HTATSF1: variants seen among roughly 807,000 people sequenced by gnomAD.
HTATSF1 encodes the protein HIV-1 Tat specific factor 1.
HTATSF1 carries 6 observed loss-of-function variants against 46.1 expected under a neutral mutation model. The observed-to-expected ratio is 0.13, with a 90% CI of 0.07 to 0.26. The LOEUF is 0.26. HTATSF1 is among the 10% of genes least tolerant of loss of function. The pLI, the probability that HTATSF1 is intolerant of heterozygous loss-of-function variation, is 1.00. For synonymous variants in HTATSF1, 226 were observed against 211.5 expected (o/e 1.07, Z -0.60); for missense variants, 452 against 559.9 (o/e 0.81, Z 1.94).
rs1468611664 is a variant in HTATSF1, at chrX:136,511,963, A to G, written c.2218A>G (p.Thr740Ala). Reference protein sequence around the residue: ...FGSVEEGPLSTGSSFILSSDD... With the variant: ...FGSVEEGPLSAGSSFILSSDD... ...GAGTGTTGAAGAAGGGCCCCTATCC[A>G]CTGGCAGCAGCTTTATTCTCAGTAG... The change falls in exon 9 of 9, where the codon ACT (threonine) becomes GCT (alanine). Residue 740 changes from threonine to alanine, a missense_variant. By Grantham distance (58) the Thr-to-Ala change is moderately conservative. Around this residue, in one of 3 missense-constraint regions of HTATSF1, gnomAD observed 246 missense variants for 245.3 expected, o/e 1.00. Transcript: ENST00000218364. The G allele has an allele frequency of 4.1e-6, 5 of 1,208,774 alleles. No individual in the cohort carries two copies. The African/African-American group carries it at 7.0e-5, about 17-fold the overall frequency.
At chrX:136,505,972 G>C (rs1246292723) in intron 6 of HTATSF1, among the ~76,000 whole-genome samples, 2 of 111,786 alleles carry the variant, frequency 1.8e-5, no homozygotes, top group Non-Finnish European at 3.8e-5. Context: ...TTATTTCTGT[G>C]ACTCGAGGTC....
At chrX:136,509,689 T>G (rs2075758605) in intron 7 of HTATSF1, among the ~76,000 whole-genome samples, 1 of 112,318 alleles carries the variant, frequency 8.9e-6, no homozygotes, top group South Asian at 3.7e-4. Context: ...TTACACCCAT[T>G]TTACAGATGA....
intron 6 of HTATSF1, among the ~76,000 whole-genome samples, chrX:136,508,478 CA>C (rs1232529761): frequency 8.9e-6 from 1 of 112,142 alleles, no homozygotes; most frequent in Non-Finnish European, 1.9e-5. Context: ...CTCATAGTTG[CA>C]AGAAAGCAAC....
rs772129556 is a variant in HTATSF1, at chrX:136,510,226, T to G, written c.1062+7T>G. On this transcript the variant is annotated splice_region_variant and intron_variant, in intron 8 of 8. Coordinates refer to ENST00000218364, the MANE Select transcript of HTATSF1 (RefSeq NM_014500.5). ...TGGGACTACAGATTATCAGGTAAATTTTGCTGCTTGTCAAGGGCACACACA... is the reference window on the plus strand; with the variant it reads ...TGGGACTACAGATTATCAGGTAAATGTTGCTGCTTGTCAAGGGCACACACA... 7.5e-6 allele frequency: 9 copies of G among 1,205,646 alleles called. No individual in the cohort carries two copies. In the Admixed American group the frequency reaches 2.0e-4, roughly 26 times the overall value.
chrX:136,507,643 G>A (rs190673913), intron 6 of HTATSF1, among the ~76,000 whole-genome samples: 4 of 110,232 alleles, frequency 3.6e-5, no homozygotes, highest in African/African-American at 9.8e-5. Flanking sequence ...ATGGAATCAC[G>A]CTTCAATTTA....
At chrX:136,498,720 G>A (rs1436498439) in intron 1 of HTATSF1, among the ~76,000 whole-genome samples, 2 of 112,328 alleles carry the variant, frequency 1.8e-5, no homozygotes, top group Admixed American at 9.3e-5. Context: ...TAAAATTTAC[G>A]ATTTCACTTC....
chrX:136,499,265 T>G (rs2075706385), intron 1 of HTATSF1, among the ~76,000 whole-genome samples: 1 of 112,513 alleles, frequency 8.9e-6, no homozygotes, highest in Non-Finnish European at 1.9e-5. Flanking sequence ...GTTGTATGTA[T>G]TTGTAGCCTT....
intron 7 of HTATSF1, 26 bp from the exon 8 acceptor site, chrX:136,510,056 C>CTTTTTTTTT: frequency 2.6e-6 from 3 of 1,172,833 alleles, no homozygotes; most frequent in Admixed American, 2.3e-5. Context: ...TCATTCATTC[C>CTTTTTTTTT]TTTTTTTTCT....
intron 3 of HTATSF1, 99 bp from the exon 4 acceptor site, chrX:136,500,565 T>C: frequency 1.8e-6 from 1 of 548,546 alleles, no homozygotes; most frequent in Non-Finnish European, 2.9e-6. Flanking sequence ...AAAATCAACA[T>C]TGCATTCACC....
chrX:136,503,637 A>G (rs1022104654), intron 5 of HTATSF1, among the ~76,000 whole-genome samples: 4 of 111,916 alleles, frequency 3.6e-5, no homozygotes, highest in African/African-American at 1.3e-4. Context: ...GAGTAGTTTT[A>G]TGTATTTGAG....
chrX:136,512,010 T>G lies in HTATSF1; in HGVS notation c.2265T>G (p.Ile755Met). 8.4e-7 allele frequency: 1 copy of G among 1,195,481 alleles called. No individual in the cohort carries two copies. The highest frequency in any genetic ancestry group is 1.1e-6 in the Non-Finnish European group (1 of 887,885). Residue 755 changes from isoleucine to methionine, a missense_variant, in exon 9 of 9, where the codon ATT becomes ATG. Physicochemically the swap from Ile to Met is conservative, Grantham distance 10. Around this residue, in one of 3 missense-constraint regions of HTATSF1, gnomAD observed 246 missense variants for 245.3 expected, o/e 1.00. Transcript: ENST00000218364. ...ILSSDDDDDDI is the reference protein window; with the variant it reads ...ILSSDDDDDDM Reference sequence around the variant, plus strand: ...GTAGCGATGATGATGACGATGATATTTAATCCCTTAAACTTGCTTTTTAGG... The same window carrying G: ...GTAGCGATGATGATGACGATGATATGTAATCCCTTAAACTTGCTTTTTAGG...
chrX:136,501,574 G>T (rs916512541), intron 4 of HTATSF1, among the ~76,000 whole-genome samples: 2 of 112,320 alleles, frequency 1.8e-5, no homozygotes, highest in African/African-American at 3.2e-5. Context: ...AGGAGCATGT[G>T]TTATACATTA....
chrX:136,504,612 T>C (rs1462412032), intron 6 of HTATSF1, 149 bp downstream of exon 6: 1 of 431,298 alleles, frequency 2.3e-6, no homozygotes, highest in Non-Finnish European at 4.1e-6. Context: ...AAGAAGCTAC[T>C]TAAGTCTTTT....
chrX:136,510,699 A>G, intron 8 of HTATSF1, 109 bp from the exon 9 acceptor site: 1 of 871,602 alleles, frequency 1.1e-6, no homozygotes, highest in Non-Finnish European at 1.6e-6. Flanking sequence ...TCATTTCCTA[A>G]TAAGAGATGC....
Position 136,497,610 on chromosome X carries a change from C to T in HTATSF1, c.-75C>T, listed in dbSNP as rs1235261981. On this transcript the variant is annotated 5_prime_UTR_variant, in exon 1 of 9. Transcript: ENST00000218364. ...CGCGAGCAGAGCGCGGTTGACCTCCCTTTCTCTGCTCAGCTCCAGCGTCAT... is the reference window on the plus strand; with the variant it reads ...CGCGAGCAGAGCGCGGTTGACCTCCTTTTCTCTGCTCAGCTCCAGCGTCAT... 2.1e-6 allele frequency: 2 copies of T among 944,091 alleles called. No homozygotes were observed. The highest frequency in any genetic ancestry group is 2.8e-6 in the Non-Finnish European group (2 of 702,696). 77.8% of individuals were successfully genotyped at this position (944,091 alleles called of 1,213,427 possible). A position where few individuals can be genotyped will look rare whatever the true frequency, so the allele number is the denominator to read the frequency against.
chrX:136,505,033 C>T (rs2075735611), intron 6 of HTATSF1, among the ~76,000 whole-genome samples: 1 of 112,099 alleles, frequency 8.9e-6, no homozygotes. Context: ...ACAAGGAGTT[C>T]TGAGGAATAT....
Position 136,497,619 on chromosome X carries a change from C to T in HTATSF1, c.-66C>T. The T allele has an allele frequency of 9.9e-7, 1 of 1,005,106 alleles. No individual in the cohort carries two copies. The highest frequency in any genetic ancestry group is 2.7e-5 in the Admixed American group (1 of 36,561). 82.8% of individuals were successfully genotyped at this position (1,005,106 alleles called of 1,213,427 possible). On this transcript the variant is annotated 5_prime_UTR_variant, in exon 1 of 9. Transcript: ENST00000218364. ...AGCGCGGTTGACCTCCCTTTCTCTG[C>T]TCAGCTCCAGCGTCATTTCGGCCTC... is the stretch of plus-strand genomic sequence containing the variant.
rs750556357 is a variant in HTATSF1 at position 136,511,545 on chromosome X, C to T, written c.1800C>T (p.Ser600=). The change falls in exon 9 of 9, where the codon TCC becomes TCT. Residue 600 remains serine (S), a synonymous_variant. Transcript: ENST00000218364. ...KELEENDSEN[S]EFEDDGSEKV... is the part of the protein sequence containing the mutation. ...TAGAAGAAAATGACTCTGAAAACTC[C>T]GAATTTGAAGATGACGGCTCTGAAA... 41 of 1,208,430 alleles carry T rather than the reference C, an allele frequency of 3.4e-5. No homozygotes were observed. The highest frequency in any genetic ancestry group is 4.4e-5 in the Non-Finnish European group (39 of 894,703).
intron 4 of HTATSF1, among the ~76,000 whole-genome samples, chrX:136,502,251 G>C (rs181977861): frequency 8.9e-6 from 1 of 111,880 alleles, no homozygotes; most frequent in East Asian, 2.8e-4. Context: ...ATTAAAGGCT[G>C]TCTATGGTGT....
Sources: gnomAD v4.1 joint callset for allele counts (sites outside exome capture counted in the v4.1 genomes callset) on GRCh38, gnomAD v4.1.1 for gene constraint, gnomAD v4.1.1 regional missense constraint, MANE v1.5 for transcripts, NCBI Gene and HGNC (gene_info 2026-07-23, HGNC 2026-07-21) for gene names.